Variants in RBM23 observed in about 807,000 individuals in gnomAD.
RBM23 encodes RNA binding motif protein 23.
A neutral mutation model predicts 56.2 loss-of-function variants in RBM23; 53 were observed. That is an observed-to-expected ratio of 0.94 (90% CI 0.76 to 1.19). RBM23 has a LOEUF of 1.19. Among genes scored for constraint, RBM23 ranks in the 50% most tolerant of loss-of-function variants. The probability of loss-of-function intolerance (pLI) is 0.00; values close to 1 mark genes in which losing one functional copy is unlikely to be tolerated. For synonymous variants in RBM23, 197 were observed against 198.5 expected, an observed-to-expected ratio of 0.99 and a Z score of 0.06; for missense variants, 642 against 590.3, an observed-to-expected ratio of 1.09 and a Z score of -0.91.
intron 9 of RBM23, among the ~76,000 whole-genome samples, 174 bp from the exon 10 acceptor site, chr14:22,904,500 A>G (rs10141484): frequency 0.021 from 3,238 of 151,328 alleles, 135 homozygotes; most frequent in African/African-American, 0.074. Context: ...TAGTCAGTAG[A>G]AATATTTTGG....
In RBM23 at chr14:22,901,782, A is replaced by G. The variant is rs778479967; in HGVS notation, c.1316+32T>C. ...GAAGCCAAAGGAAAGAGAATAATCA[A>G]AGGCTAGAATGAGCTAGACCCTGAG... On this transcript the variant is annotated intron_variant, in intron 13 of 13. Coordinates refer to ENST00000359890, the MANE Select transcript of RBM23 (RefSeq NM_001077351.2). 1.4e-5 allele frequency: 22 copies of G among 1,614,050 alleles called. No individual in the cohort carries two copies. In the South Asian group the frequency reaches 2.4e-4, roughly 18 times the overall value.
intron 10 of RBM23, chr14:22,902,881 T>C (rs555947322): frequency 5.3e-5 from 42 of 787,674 alleles, no homozygotes; most frequent in Middle Eastern, 6.6e-4. Flanking sequence ...TTCAAGCAAT[T>C]CTCCTGCCTC....
chr14:22,916,979 C>CT (rs1291119064), intron 1 of RBM23: 2 of 152,122 alleles, frequency 1.3e-5, no homozygotes, highest in African/African-American at 4.8e-5. Flanking sequence ...AGCAATTCTC[C>CT]TGTCTCAGTC....
Position 22,904,256 on chromosome 14 carries a change from C to G in RBM23, c.930+5G>C. ...AATAAAAAAATTAAAAGACTAGAGA[C>G]TCACCGTGATGAAACCATAACCTTT... On this transcript the variant is annotated splice_donor_5th_base_variant and intron_variant, in intron 10 of 13. Transcript: ENST00000359890. 2 of 1,614,056 alleles carry G rather than the reference C, an allele frequency of 1.2e-6. No individual in the cohort carries two copies. Among genetic ancestry groups the G allele is most frequent in the Non-Finnish European group, 1.7e-6 (2 of 1,179,950 alleles).
intron 1 of RBM23, among the ~76,000 whole-genome samples, chr14:22,916,530 C>T (rs770745322): frequency 6.6e-6 from 1 of 151,674 alleles, no homozygotes; most frequent in Non-Finnish European, 1.5e-5. Context: ...CCCACCTTAG[C>T]CTCCCAAAGT....
At chr14:22,905,483 C>T in intron 6 of RBM23, 30 bp from the exon 7 acceptor site, 1 of 1,604,876 alleles carries the variant, frequency 6.2e-7, no homozygotes, top group Non-Finnish European at 8.5e-7. Context: ...GAGACCAGCC[C>T]TCCCAATACC....
chr14:22,918,512 T>C (rs1287413544), intron 1 of RBM23, among the ~76,000 whole-genome samples: 2 of 152,180 alleles, frequency 1.3e-5, no homozygotes, highest in Non-Finnish European at 2.9e-5. Flanking sequence ...GAATGAGTGC[T>C]TGAAAAAGTT....
At chr14:22,914,244 G>A (rs1449313832) in intron 1 of RBM23, among the ~76,000 whole-genome samples, 1 of 148,782 alleles carries the variant, frequency 6.7e-6, no homozygotes, top group African/African-American at 2.5e-5. Flanking sequence ...GGAATCGTTT[G>A]AACCCGGGAG....
Position 22,905,114 on chromosome 14 carries a change from T to C in RBM23, c.706A>G (p.Ile236Val), listed in dbSNP as rs866105714. The C allele has an allele frequency of 8.1e-6, 13 of 1,614,124 alleles. No homozygotes were observed. In the Middle Eastern group the frequency reaches 6.6e-4, roughly 82 times the overall value. ...LTGQRLLGVPIIVQASQAEKN... is the reference protein window; with the variant it reads ...LTGQRLLGVPVIVQASQAEKN... ...CTCACCTGTGAAGCCTGTACAATGATAGGCACTCCCAGCAACCGCTGCCCA... is the reference window on the plus strand; with the variant it reads ...CTCACCTGTGAAGCCTGTACAATGACAGGCACTCCCAGCAACCGCTGCCCA... Residue 236 changes from isoleucine (I) to valine (V), a missense_variant, in exon 8 of 14, where the codon ATC (isoleucine) becomes GTC (valine). Coordinates refer to ENST00000359890, the MANE Select transcript of RBM23 (RefSeq NM_001077351.2).
At chr14:22,905,760 G>T (rs150003292) in intron 5 of RBM23, 101 bp from the exon 6 acceptor site, 11 of 934,306 alleles carry the variant, frequency 1.2e-5, no homozygotes, top group African/African-American at 3.3e-5. Context: ...TCATCTCATT[G>T]TTTTTTTAAG....
In RBM23 at chr14:22,902,187, C is replaced by CT; in HGVS notation, c.1125dup (p.Gly376ArgfsTer100). On this transcript the variant is annotated frameshift_variant and splice_region_variant, in exon 11 of 14. Transcript: ENST00000359890. LOFTEE classifies it high-confidence loss of function. ...TCTTCACCTTGCGGAGATATTTTAC[C>CT]TTCTGCCAGTTTTGCCATGAGCTGA... 1 of 1,613,496 alleles carries CT rather than the reference C, an allele frequency of 6.2e-7. No individual in the cohort carries two copies. Among genetic ancestry groups the CT allele is most frequent in the Non-Finnish European group, 8.5e-7 (1 of 1,179,434 alleles).
chr14:22,916,249 A>G (rs917117454), intron 1 of RBM23, among the ~76,000 whole-genome samples: 1 of 151,608 alleles, frequency 6.6e-6, no homozygotes, highest in African/African-American at 2.4e-5. Flanking sequence ...CACAGCTCAA[A>G]GGGAAGAATG....
intron 1 of RBM23, among the ~76,000 whole-genome samples, chr14:22,918,605 T>TTC (rs1011030294): frequency 1.9e-4 from 29 of 152,096 alleles, no homozygotes; most frequent in Middle Eastern, 3.2e-3. Context: ...CTCAATTCCC[T>TTC]TCTCTCTCTC....
rs2041145960 is a variant in RBM23 at position 22,904,339 on chromosome 14, G to A, written c.865-13C>T. The A allele has an allele frequency of 1.3e-6, 2 of 1,596,890 alleles. No individual in the cohort carries two copies. The highest frequency in any genetic ancestry group is 8.6e-7 in the Non-Finnish European group (1 of 1,165,818). On this transcript the variant is annotated splice_polypyrimidine_tract_variant and intron_variant, in intron 9 of 13. Coordinates refer to ENST00000359890, the MANE Select transcript of RBM23 (RefSeq NM_001077351.2). The stretch of plus-strand genomic sequence containing the variant: ...CAATATTATCAATCTGTAGAAGAGT[G>A]AGAAATTATCAGTAAACTTTTGACT...
intron 1 of RBM23, among the ~76,000 whole-genome samples, chr14:22,912,895 G>A (rs1211422835): frequency 6.6e-6 from 1 of 150,520 alleles, no homozygotes; most frequent in African/African-American, 2.5e-5. Context: ...AGCTACTCGG[G>A]AGGCTGAGGC....
rs1318389281 is a variant in RBM23, at chr14:22,895,960, G to C, written c.*5770C>G. The C allele has an allele frequency of 6.6e-6, 1 of 152,216 alleles. No individual in the cohort carries two copies. Among genetic ancestry groups the C allele is most frequent in the East Asian group, 1.9e-4 (1 of 5,200 alleles). The allele number at this position is 152,216 out of a possible 1,614,324, so 9.4% of individuals were successfully genotyped here. On this transcript the variant is annotated 3_prime_UTR_variant, in exon 14 of 14. Coordinates refer to ENST00000359890, the MANE Select transcript of RBM23 (RefSeq NM_001077351.2). ...TTGGGCTAGTGGGATCTGTTTTCCT[G>C]AAAACTAGGCAGGTTGTGTGTGACC...
At chr14:22,902,623 A>G in intron 10 of RBM23, 1 of 1,232,504 alleles carries the variant, frequency 8.1e-7, no homozygotes, top group Non-Finnish European at 1.0e-6. Flanking sequence ...AGAATCTAAC[A>G]ATGCAAAATT....
rs2040241975 is a variant in RBM23, at chr14:22,895,957, C to T, written c.*5773G>A. On this transcript the variant is annotated 3_prime_UTR_variant, in exon 14 of 14. Coordinates refer to ENST00000359890, the MANE Select transcript of RBM23 (RefSeq NM_001077351.2). ...AGATTGGGCTAGTGGGATCTGTTTTCCTGAAAACTAGGCAGGTTGTGTGTG... is the reference window on the plus strand; with the variant it reads ...AGATTGGGCTAGTGGGATCTGTTTTTCTGAAAACTAGGCAGGTTGTGTGTG... 1 of 152,150 alleles carries T rather than the reference C, an allele frequency of 6.6e-6. No individual in the cohort carries two copies. The highest frequency in any genetic ancestry group is 6.5e-5 in the Admixed American group (1 of 15,272). 9.4% of individuals were successfully genotyped at this position (152,150 alleles called of 1,614,324 possible). A position where few individuals can be genotyped will look rare whatever the true frequency, so the allele number is the denominator to read the frequency against.
Position 22,899,553 on chromosome 14 carries a change from G to GT in RBM23, c.*2176dup, listed in dbSNP as rs895097804. The GT allele has an allele frequency of 6.6e-6, 1 of 152,198 alleles. No individual in the cohort carries two copies. The highest frequency in any genetic ancestry group is 1.5e-5 in the Non-Finnish European group (1 of 68,066). The allele number at this position is 152,198 out of a possible 1,614,324, so 9.4% of individuals were successfully genotyped here. A position where few individuals can be genotyped will look rare whatever the true frequency, so the allele number is the denominator to read the frequency against. On this transcript the variant is annotated 3_prime_UTR_variant, in exon 14 of 14. Transcript: ENST00000359890. ...CCACCACCATGCCCAGCTACTTTTT[G>GT]TATTTCTAGTAGAGACAGAGTTTCA...
Sources: allele counts gnomAD v4.1 joint callset (sites outside exome capture counted in the v4.1 genomes callset), GRCh38; gene constraint gnomAD v4.1.1; transcripts MANE v1.5; gene names NCBI Gene and HGNC (gene_info 2026-07-23, HGNC 2026-07-21).